The following EXOC2 variants were observed in gnomAD, a reference collection of about 807,000 sequenced individuals.
EXOC2 encodes exocyst complex component 2, also known as SEC5-like 1.
A neutral mutation model predicts 131.8 loss-of-function variants in EXOC2; 70 were observed. The observed-to-expected ratio is 0.53, with a 90% confidence interval of 0.44 to 0.65. The LOEUF (loss-of-function observed/expected upper bound fraction) is 0.65, where lower values mean the gene tolerates loss of function less well. Among genes scored for constraint, EXOC2 ranks in the 30% least tolerant of loss-of-function variants. The pLI is 0.00. For synonymous variants in EXOC2, 411 were observed against 398.4 expected, an observed-to-expected ratio of 1.03 and a Z score of -0.38; for missense variants, 923 against 1,108.6, an observed-to-expected ratio of 0.83 and a Z score of 2.38.
At chr6:623,918 C>G (rs973267734) in intron 4 of EXOC2, among the ~76,000 whole-genome samples, 2 of 152,140 alleles carry the variant, frequency 1.3e-5, no homozygotes, top group African/African-American at 4.8e-5. Flanking sequence ...ATGCTAAGGG[C>G]AACAGAACAG....
chr6:563,316 T>A (rs913709037), intron 16 of EXOC2, among the ~76,000 whole-genome samples: 20 of 152,308 alleles, frequency 1.3e-4, no homozygotes, highest in African/African-American at 3.4e-4. Context: ...TGGGGCAGGC[T>A]CAGGTTCCTA....
rs187347397 is a variant in EXOC2, at chr6:556,062, G to T, written c.1933-49C>A. 2.1e-4 allele frequency: 324 copies of T among 1,553,918 alleles called. No individual in the cohort carries two copies. In the African/African-American group the frequency reaches 3.9e-3, roughly 19 times the overall value. On this transcript the variant is annotated intron_variant, in intron 18 of 27. Coordinates refer to ENST00000230449, the MANE Select transcript of EXOC2 (RefSeq NM_018303.6). ...AATTTTTGGACTTTGCTAAGAAAAG[G>T]TTTTTGTATATGAAGTTAGATATGA...
chr6:583,682 A>G (rs1759040036), intron 11 of EXOC2, among the ~76,000 whole-genome samples: 1 of 152,266 alleles, frequency 6.6e-6, no homozygotes, highest in Admixed American at 6.5e-5. Flanking sequence ...CGCTGCATAC[A>G]TAGCGCAGCT....
At position 564,094 on chromosome 6, in the gene EXOC2, C is replaced by G. The variant is rs543961073; in HGVS notation, c.1728G>C (p.Gln576His). 1.9e-6 allele frequency: 3 copies of G among 1,614,070 alleles called. No homozygotes were observed. The highest frequency in any genetic ancestry group is 1.3e-5 in the African/African-American group (1 of 75,006). Residue 576 changes from glutamine (Q) to histidine (H), a missense_variant, in exon 16 of 28, where the codon CAG becomes CAC. Gln to His is a conservative substitution (Grantham distance 24). Coordinates refer to ENST00000230449, the MANE Select transcript of EXOC2 (RefSeq NM_018303.6). ...EIPNDLLQTIQDLILDLRVRC... is the reference protein window; with the variant it reads ...EIPNDLLQTIHDLILDLRVRC... ...GTACTCGGAGATCCAAGATGAGATC[C>G]TGGATAGTCTGTAACAGGTCATTAG...
intron 1 of EXOC2, chr6:670,235 T>A (rs1290830176): frequency 6.6e-6 from 1 of 152,186 alleles, no homozygotes; most frequent in Non-Finnish European, 1.5e-5. Flanking sequence ...AAACGTGAGG[T>A]TCAGTTCAGC....
intron 17 of EXOC2, among the ~76,000 whole-genome samples, chr6:559,147 C>G (rs1394584783): frequency 6.6e-6 from 1 of 152,118 alleles, no homozygotes; most frequent in Non-Finnish European, 1.5e-5. Flanking sequence ...CTCAGAATCT[C>G]AGAATTATCC....
Position 520,898 on chromosome 6 carries a change from G to A in EXOC2, c.2380+11571C>T, listed in dbSNP as rs1292332087. Among the ~76,000 whole-genome samples, 7 of 139,392 alleles carry A rather than the reference G, an allele frequency of 5.0e-5. No homozygotes were observed. The South Asian group carries it at 1.1e-3, about 23-fold the overall frequency. The allele number at this position is 139,392 out of a possible 152,430, so 91.4% of individuals were successfully genotyped here. On this transcript the variant is annotated intron_variant, in intron 23 of 27. Coordinates refer to ENST00000230449, the MANE Select transcript of EXOC2 (RefSeq NM_018303.6). ...CACCCACCGAGCGCCAACACTCACC[G>A]TCCACACTCGGACATGAAAATCACC...
intron 21 of EXOC2, among the ~76,000 whole-genome samples, chr6:550,445 T>G (rs957633661): frequency 3.3e-5 from 5 of 152,072 alleles, no homozygotes; most frequent in Admixed American, 3.3e-4. Flanking sequence ...TCTGGCAGAG[T>G]GTGTAGCCTA....
chr6:499,902 T>A (rs2127481207), intron 23 of EXOC2, among the ~76,000 whole-genome samples: 1 of 152,328 alleles, frequency 6.6e-6, no homozygotes, highest in African/African-American at 2.4e-5. Flanking sequence ...TGAGAAGTTT[T>A]CTTTTATTGT....
intron 1 of EXOC2, among the ~76,000 whole-genome samples, chr6:658,501 T>G (rs1763241691): frequency 6.6e-6 from 1 of 151,854 alleles, no homozygotes; most frequent in African/African-American, 2.4e-5. Context: ...GAGGAGTTCT[T>G]ATCTGTTCCA....
intron 1 of EXOC2, among the ~76,000 whole-genome samples, chr6:645,025 G>T (rs896936274): frequency 6.6e-6 from 1 of 152,074 alleles, no homozygotes; most frequent in Non-Finnish European, 1.5e-5. Flanking sequence ...TTAGGAGGAA[G>T]AAAAAAGTTG....
Position 550,181 on chromosome 6 carries a change from A to T in EXOC2, c.2122-890T>A, listed in dbSNP as rs569462520. Among the ~76,000 whole-genome samples the T allele has an allele frequency of 9.5e-4, 144 of 152,360 alleles. 1 individual carries two copies. The highest frequency in any genetic ancestry group is 3.2e-3 in the African/African-American group (135 of 41,580). ...GAGCCTTGAGTTAGATCCTTTGACT[A>T]AACCTTTGGCAAAAAACACTTTCCA... On this transcript the variant is annotated intron_variant, in intron 21 of 27. Transcript: ENST00000230449.
chr6:565,936 G>A (rs754228748), intron 13 of EXOC2, among the ~76,000 whole-genome samples: 5 of 152,082 alleles, frequency 3.3e-5, no homozygotes, highest in African/African-American at 7.2e-5. Context: ...AGGATTGTTG[G>A]GTGTTTTCAA....
intron 22 of EXOC2, among the ~76,000 whole-genome samples, chr6:541,401 A>G (rs1756522550): frequency 6.6e-6 from 1 of 152,238 alleles, no homozygotes; most frequent in African/African-American, 2.4e-5. Flanking sequence ...GAACTATGTA[A>G]ATAAACAAGA....
intron 5 of EXOC2, among the ~76,000 whole-genome samples, chr6:618,882 C>A (rs561784743): frequency 2.6e-5 from 4 of 152,304 alleles, no homozygotes; most frequent in Admixed American, 1.3e-4. Flanking sequence ...TATTTTAAAT[C>A]AATCTTGCAA....
At chr6:558,395 A>T (rs1038753901) in intron 17 of EXOC2, among the ~76,000 whole-genome samples, 4 of 152,240 alleles carry the variant, frequency 2.6e-5, no homozygotes, top group African/African-American at 7.2e-5. Flanking sequence ...AATGTTTGTT[A>T]GGTTACTGAC....
chr6:582,094 TA>T (rs1758937804), intron 11 of EXOC2, among the ~76,000 whole-genome samples: 1 of 152,222 alleles, frequency 6.6e-6, no homozygotes, highest in African/African-American at 2.4e-5. Flanking sequence ...ATCATTTTTC[TA>T]AAAGAAAGTA....
At chr6:526,686 C>T (rs954342291) in intron 23 of EXOC2, among the ~76,000 whole-genome samples, 5 of 151,966 alleles carry the variant, frequency 3.3e-5, no homozygotes, top group African/African-American at 4.8e-5. Flanking sequence ...GTGATCCGCC[C>T]GCCTCAGCCT....
chr6:521,033 GCGCCGACAC>G (rs1765420575), intron 23 of EXOC2, among the ~76,000 whole-genome samples: 7 of 144,816 alleles, frequency 4.8e-5, no homozygotes, highest in South Asian at 2.3e-4. Flanking sequence ...CGCCCACCGA[GCGCCGACAC>G]TCGCCGTCCA....
Sources: allele counts gnomAD v4.1 joint callset (sites outside exome capture counted in the v4.1 genomes callset), GRCh38; gene constraint gnomAD v4.1.1; transcripts MANE v1.5; gene names NCBI Gene and HGNC (gene_info 2026-07-23, HGNC 2026-07-21).